Variants in FER1L6 observed in about 807,000 individuals in gnomAD.
The protein encoded by FER1L6 is fer-1 like family member 6, also known as fer-1-like protein 6.
FER1L6 carries 177 observed loss-of-function variants against 219.2 expected under a neutral mutation model. That is an observed-to-expected ratio of 0.81 (90% CI 0.71 to 0.91). The LOEUF is 0.91. Among genes scored for constraint, FER1L6 ranks in the 40% least tolerant of loss-of-function variants. The pLI, the probability that FER1L6 is intolerant of heterozygous loss-of-function variation, is 0.00. For synonymous variants in FER1L6, 768 were observed against 824.3 expected, an observed-to-expected ratio of 0.93 and a Z score of 1.17; for missense variants, 2,153 against 2,259.9, an observed-to-expected ratio of 0.95 and a Z score of 0.96.
chr8:124,064,611 T>C lies in FER1L6; in HGVS notation c.3555+38T>C, dbSNP rs763261382. On this transcript the variant is annotated intron_variant, in intron 26 of 40. Transcript: ENST00000522917. ...TCCCTCTCTATATTTACAAGGCTCA[T>C]TGGAGTTTGCATTGCAGGTCTCAGA... 9 of 1,583,110 alleles carry C rather than the reference T, an allele frequency of 5.7e-6. No individual in the cohort carries two copies. In the East Asian group the frequency reaches 9.1e-5, roughly 16 times the overall value.
At chr8:124,062,633 G>C (rs926086840) in intron 25 of FER1L6, among the ~76,000 whole-genome samples, 1 of 151,792 alleles carries the variant, frequency 6.6e-6, no homozygotes, top group African/African-American at 2.4e-5. Context: ...ACTATTACTC[G>C]CTGCATCTAC....
chr8:123,986,557 G>T, intron 12 of FER1L6, among the ~76,000 whole-genome samples: 1 of 151,998 alleles, frequency 6.6e-6, no homozygotes, highest in East Asian at 1.9e-4. Flanking sequence ...CGTACAGTAA[G>T]TTGTTGTTGA....
At chr8:123,963,236 T>C in intron 2 of FER1L6, 42 bp from the exon 3 acceptor site, 1 of 1,611,022 alleles carries the variant, frequency 6.2e-7, no homozygotes, top group African/African-American at 1.3e-5. Context: ...TGCCACCACA[T>C]GTCAATTTCA....
intron 39 of FER1L6, among the ~76,000 whole-genome samples, chr8:124,110,268 G>GA (rs1393442780): frequency 1.3e-5 from 2 of 152,054 alleles, no homozygotes; most frequent in South Asian, 2.1e-4. Context: ...AAAACCCCCT[G>GA]AAAAAATATA....
chr8:123,927,776 T>A (rs1430141579), intron 1 of FER1L6, among the ~76,000 whole-genome samples: 1 of 152,244 alleles, frequency 6.6e-6, no homozygotes, highest in Non-Finnish European at 1.5e-5. Context: ...TTGCTTCTTC[T>A]CAATGTTCTA....
chr8:124,046,552 G>T (rs1418773174), intron 21 of FER1L6: 1 of 152,152 alleles, frequency 6.6e-6, no homozygotes, highest in East Asian at 1.9e-4. Flanking sequence ...TGAAAGGAAA[G>T]GGTTTGTTTC....
chr8:123,881,658 G>A (rs577202249), intron 1 of FER1L6, among the ~76,000 whole-genome samples: 23 of 152,272 alleles, frequency 1.5e-4, no homozygotes, highest in African/African-American at 3.9e-4. Flanking sequence ...CTTCAATACC[G>A]TAGACCCTGT....
chr8:124,105,412 T>C (rs1488447581), intron 39 of FER1L6, among the ~76,000 whole-genome samples: 1 of 152,150 alleles, frequency 6.6e-6, no homozygotes, highest in African/African-American at 2.4e-5. Flanking sequence ...AGCCATTGCA[T>C]GGTTTCCAGC....
intron 31 of FER1L6, among the ~76,000 whole-genome samples, chr8:124,073,797 TA>T (rs956182518): frequency 6.6e-6 from 1 of 152,154 alleles, no homozygotes; most frequent in Non-Finnish European, 1.5e-5. Flanking sequence ...ATGTGGGAAT[TA>T]AGAAGATATA....
intron 33 of FER1L6, 113 bp downstream of exon 33, chr8:124,082,571 C>T (rs1183298404): frequency 1.1e-6 from 1 of 927,836 alleles, no homozygotes; most frequent in Admixed American, 2.4e-5. Context: ...CCAGGCTCAG[C>T]TTTAACGTCT....
At chr8:123,984,783 C>T (rs1041660464) in intron 11 of FER1L6, 1 of 152,114 alleles carries the variant, frequency 6.6e-6, no homozygotes, top group Non-Finnish European at 1.5e-5. Context: ...ATATGGAAAC[C>T]CTTTGGTTCT....
At chr8:124,006,764 C>G (rs902468159) in intron 13 of FER1L6, among the ~76,000 whole-genome samples, 1 of 152,202 alleles carries the variant, frequency 6.6e-6, no homozygotes. Context: ...CCTCTTTCCA[C>G]AAACAGCACA....
At chr8:123,885,486 G>C (rs191375335) in intron 1 of FER1L6, among the ~76,000 whole-genome samples, 54 of 152,328 alleles carry the variant, frequency 3.5e-4, no homozygotes, top group African/African-American at 1.3e-3. Context: ...TCCTCTAGCA[G>C]TAGTAATAGC....
In FER1L6 at chr8:124,097,208, T is replaced by C. The variant is rs1822342221; in HGVS notation, c.4696-63T>C. 1.9e-5 allele frequency: 23 copies of C among 1,191,984 alleles called. No individual in the cohort carries two copies. In the South Asian group the frequency reaches 2.8e-4, roughly 15 times the overall value. 73.8% of individuals were successfully genotyped at this position (1,191,984 alleles called of 1,614,324 possible). A position where few individuals can be genotyped will look rare whatever the true frequency, so the allele number is the denominator to read the frequency against. On this transcript the variant is annotated intron_variant, in intron 35 of 40. Coordinates refer to ENST00000522917, the MANE Select transcript of FER1L6 (RefSeq NM_001039112.2). ...AGGGATCTTATAAAACCATGAATTA[T>C]CAATTACCCATGTCCCCTAGCCCCC...
chr8:124,073,402 G>A (rs375948716), intron 31 of FER1L6, among the ~76,000 whole-genome samples: 35 of 152,226 alleles, frequency 2.3e-4, no homozygotes, highest in African/African-American at 7.7e-4. Context: ...CTACAGTTAT[G>A]GACAGTCAAT....
At chr8:123,943,676 C>T (rs148036806) in intron 1 of FER1L6, among the ~76,000 whole-genome samples, 288 of 152,174 alleles carry the variant, frequency 1.9e-3, no homozygotes, top group African/African-American at 6.7e-3. Flanking sequence ...CCTTGCTGGT[C>T]GAGGTGAGGT....
Position 124,069,417 on chromosome 8 carries a change from A to G in FER1L6, c.3776A>G (p.Asp1259Gly). Residue 1259 changes from aspartate (D) to glycine (G), a missense_variant, in exon 29 of 41, where the codon GAC becomes GGC. Coordinates refer to ENST00000522917, the MANE Select transcript of FER1L6 (RefSeq NM_001039112.2). ...DIEDGPKKKK[D>G]KMLKKKPKDD... ...GAAGATGGGCCAAAGAAGAAGAAAG[A>G]CAAAATGCTCAAGAAGAAACCCAAA... The G allele has an allele frequency of 3.1e-6, 5 of 1,612,474 alleles. No individual in the cohort carries two copies. The highest frequency in any genetic ancestry group is 4.2e-6 in the Non-Finnish European group (5 of 1,179,502).
chr8:123,956,968 G>C (rs1039873977), intron 2 of FER1L6, among the ~76,000 whole-genome samples: 1 of 152,190 alleles, frequency 6.6e-6, no homozygotes, highest in Non-Finnish European at 1.5e-5. Context: ...AATTAAATTG[G>C]ATCAGTGGTT....
chr8:124,118,813 T>C, intron 39 of FER1L6, 31 bp from the exon 40 acceptor site: 1 of 1,605,728 alleles, frequency 6.2e-7, no homozygotes, highest in Non-Finnish European at 8.5e-7. Context: ...TCTTTGTGAC[T>C]GGAAACAAAA....
Sources: allele counts gnomAD v4.1 joint callset (sites outside exome capture counted in the v4.1 genomes callset), GRCh38; gene constraint gnomAD v4.1.1; transcripts MANE v1.5; gene names NCBI Gene and HGNC (gene_info 2026-07-23, HGNC 2026-07-21).